The following KIF21A variants were observed in gnomAD, a reference collection of about 807,000 sequenced individuals.
The protein encoded by KIF21A is kinesin-like protein KIF21A.
A neutral mutation model predicts 202.9 loss-of-function variants in KIF21A; 114 were observed. That is an observed-to-expected ratio of 0.56 (90% CI 0.48 to 0.66). The LOEUF (loss-of-function observed/expected upper bound fraction) is 0.66. Among genes scored for constraint, KIF21A ranks in the 30% least tolerant of loss-of-function variants. The probability of loss-of-function intolerance (pLI) is 0.00; values close to 1 mark genes in which losing one functional copy is unlikely to be tolerated. For missense variants in KIF21A, 1,677 were observed against 1,994.9 expected (o/e 0.84, Z 3.04); for synonymous variants, 667 against 670.8 (o/e 0.99, Z 0.09).
intron 34 of KIF21A, among the ~76,000 whole-genome samples, chr12:39,305,890 CAT>C (rs1242320523): frequency 2.6e-5 from 4 of 152,142 alleles, no homozygotes; most frequent in African/African-American, 9.7e-5. Context: ...CACAAATACA[CAT>C]AAGTGCATGT....
intron 1 of KIF21A, among the ~76,000 whole-genome samples, chr12:39,416,918 CAT>C (rs1555198669): frequency 4.7e-5 from 7 of 148,588 alleles, no homozygotes; most frequent in African/African-American, 1.7e-4. Flanking sequence ...CACACACACA[CAT>C]ATAAATAAAA....
At chr12:39,298,571 C>G (rs1357295375) in intron 37 of KIF21A, among the ~76,000 whole-genome samples, 2 of 152,134 alleles carry the variant, frequency 1.3e-5, no homozygotes, top group East Asian at 3.9e-4. Flanking sequence ...AGAGTAATGG[C>G]TACTCTAGAC....
chr12:39,365,940 C>A (rs954263100), intron 6 of KIF21A, among the ~76,000 whole-genome samples: 22 of 152,144 alleles, frequency 1.4e-4, no homozygotes, highest in Non-Finnish European at 2.5e-4. Flanking sequence ...GAGGTCAAGG[C>A]TGCAGTGAGC....
At chr12:39,343,959 A>G (rs1181854998) in intron 12 of KIF21A, among the ~76,000 whole-genome samples, 1 of 152,196 alleles carries the variant, frequency 6.6e-6, no homozygotes, top group Non-Finnish European at 1.5e-5. Flanking sequence ...AGTTTCAAAG[A>G]TGCATAAAGA....
chr12:39,420,074 T>TAGAAAAA (rs1954121976), intron 1 of KIF21A, among the ~76,000 whole-genome samples: 1 of 83,128 alleles, frequency 1.2e-5, no homozygotes, highest in African/African-American at 4.4e-5. Flanking sequence ...AGACAGAAAG[T>TAGAAAAA]AAAAAAAAAA....
chr12:39,385,645 A>C (rs11171940), intron 1 of KIF21A, among the ~76,000 whole-genome samples: 12,443 of 152,224 alleles, frequency 0.082, 636 homozygotes, highest in South Asian at 0.28. Context: ...GACTCAAAGA[A>C]ATTTCCAGTT....
intron 10 of KIF21A, among the ~76,000 whole-genome samples, chr12:39,352,481 T>G (rs1331118092): frequency 6.6e-6 from 1 of 152,146 alleles, no homozygotes; most frequent in Non-Finnish European, 1.5e-5. Context: ...ATCTTAATAC[T>G]CAAAAGAATT....
chr12:39,424,646 T>C (rs1409433343), intron 1 of KIF21A, among the ~76,000 whole-genome samples: 1 of 152,156 alleles, frequency 6.6e-6, no homozygotes, highest in Non-Finnish European at 1.5e-5. Flanking sequence ...ACTTGATCCT[T>C]TTCTTTTCAT....
intron 1 of KIF21A, among the ~76,000 whole-genome samples, chr12:39,383,914 T>C (rs905594558): frequency 2.6e-5 from 4 of 152,214 alleles, no homozygotes; most frequent in Admixed American, 6.5e-5. Context: ...AAATAGACAG[T>C]TTTAAAAACA....
chr12:39,355,346 G>C (rs532930657), intron 10 of KIF21A, among the ~76,000 whole-genome samples: 4 of 152,240 alleles, frequency 2.6e-5, no homozygotes, highest in South Asian at 2.1e-4. Flanking sequence ...GTGACATAAA[G>C]CTGAGGTACA....
chr12:39,316,369 GATA>G (rs2137529748), intron 29 of KIF21A, among the ~76,000 whole-genome samples: 2 of 140,646 alleles, frequency 1.4e-5, no homozygotes, highest in African/African-American at 4.9e-5. Flanking sequence ...TATTCACCTT[GATA>G]ATTATCACTT....
rs767618564 is a variant in KIF21A, at chr12:39,351,963, C to T, written c.1487G>A (p.Ser496Asn). ...TCGAAGGTTCTCATTCACTGCTTCA[C>T]TTTCTAATAATTTTGCCCTAGCAAA... Reference protein sequence around the residue: ...IEDLRAKLLESEAVNENLRKN... With the variant: ...IEDLRAKLLENEAVNENLRKN... The change falls in exon 11 of 38, where the codon AGT becomes AAT. Residue 496 changes from serine (S) to asparagine (N), a missense_variant. Around this residue, in one of 3 missense-constraint regions of KIF21A, gnomAD observed 966 missense variants for 1,180.9 expected, o/e 0.82. Coordinates refer to ENST00000361418, the MANE Select transcript of KIF21A (RefSeq NM_001173464.2). The T allele has an allele frequency of 3.7e-6, 6 of 1,612,886 alleles. No homozygotes were observed. Among genetic ancestry groups the T allele is most frequent in the Non-Finnish European group, 5.1e-6 (6 of 1,179,136 alleles).
intron 1 of KIF21A, among the ~76,000 whole-genome samples, chr12:39,375,899 T>C (rs981614437): frequency 7.9e-5 from 12 of 152,152 alleles, no homozygotes; most frequent in Admixed American, 7.9e-4. Context: ...AGCCACATGA[T>C]AGCATCTTGC....
rs1565735714 is a variant in KIF21A, at chr12:39,319,874, A to G, written c.3779+32T>C. The G allele has an allele frequency of 3.3e-6, 4 of 1,221,352 alleles. No individual in the cohort carries two copies. In the African/African-American group the frequency reaches 4.5e-5, roughly 14 times the overall value. 75.7% of individuals were successfully genotyped at this position (1,221,352 alleles called of 1,614,324 possible). Reference sequence around the variant, plus strand: ...TCTAAGTGCAGCAGGCATTTAATACAGTCTAGCAGGTAAAAAACATTAGTC... The same window carrying G: ...TCTAAGTGCAGCAGGCATTTAATACGGTCTAGCAGGTAAAAAACATTAGTC... On this transcript the variant is annotated intron_variant, in intron 28 of 37. Transcript: ENST00000361418.
chr12:39,441,478 G>A (rs2140508634), intron 1 of KIF21A, among the ~76,000 whole-genome samples: 1 of 151,322 alleles, frequency 6.6e-6, no homozygotes, highest in Non-Finnish European at 1.5e-5. Flanking sequence ...TCTCCACCCT[G>A]GTGCAGTCAT....
At position 39,335,555 on chromosome 12, in the gene KIF21A, C is replaced by T. The variant is rs115088860; in HGVS notation, c.2418+1541G>A. The stretch of plus-strand genomic sequence containing the variant: ...GGTGAGTGACTACCAATGGGTATAG[C>T]GTATATTCCTGGAGTAATGAAAATT... On this transcript the variant is annotated intron_variant, in intron 17 of 37. Transcript: ENST00000361418. Among the ~76,000 whole-genome samples the T allele has an allele frequency of 4.2e-3, 641 of 151,936 alleles. 7 individuals carry two copies. The highest frequency in any genetic ancestry group is 0.015 in the African/African-American group (624 of 41,382).
At chr12:39,315,515 T>A (rs1451568572) in intron 30 of KIF21A, among the ~76,000 whole-genome samples, 3 of 152,018 alleles carry the variant, frequency 2.0e-5, no homozygotes, top group Admixed American at 2.0e-4. Flanking sequence ...CTCTAGCATA[T>A]TTTTATTTTT....
In KIF21A at chr12:39,330,795, C is replaced by T. The variant is rs1669646551; in HGVS notation, c.3270G>A (p.Lys1090=). The change falls in exon 23 of 38, where the codon AAG becomes AAA. Residue 1090 remains lysine (K), a synonymous_variant. Transcript: ENST00000361418. ...CATCTAGCTCAGGATTTAATTCTGC[C>T]TTCTCTTTCAACATATGGAATAAGA... ...NQLLFHMLKE[K]AELNPELDAL... The T allele has an allele frequency of 1.2e-6, 2 of 1,613,860 alleles. No homozygotes were observed. The highest frequency in any genetic ancestry group is 1.7e-6 in the Non-Finnish European group (2 of 1,179,908).
At chr12:39,377,943 C>G (rs944026161) in intron 1 of KIF21A, among the ~76,000 whole-genome samples, 2 of 152,028 alleles carry the variant, frequency 1.3e-5, no homozygotes, top group African/African-American at 2.4e-5. Flanking sequence ...TCTATGTGGT[C>G]CACTGGACTC....
Sources: gnomAD v4.1 joint callset for allele counts (sites outside exome capture counted in the v4.1 genomes callset) on GRCh38, gnomAD v4.1.1 for gene constraint, gnomAD v4.1.1 regional missense constraint, MANE v1.5 for transcripts, NCBI Gene and HGNC (gene_info 2026-07-23, HGNC 2026-07-21) for gene names.